The following ZNF536 variants were observed in gnomAD, a reference collection of about 807,000 sequenced individuals.
The protein encoded by ZNF536 is zinc finger protein 536.
Under a neutral mutation model 84.5 loss-of-function variants are expected in ZNF536, and 13 were observed. The ratio of observed to expected loss-of-function variants is 0.15; its 90% CI spans 0.10 to 0.24. The LOEUF (loss-of-function observed/expected upper bound fraction) is 0.24, where lower values mean the gene tolerates loss of function less well. ZNF536 is among the 10% of genes least tolerant of loss of function. The pLI, the probability that ZNF536 is intolerant of heterozygous loss-of-function variation, is 1.00. For missense variants in ZNF536, 1,536 were observed against 1,747.5 expected, an observed-to-expected ratio of 0.88 and a Z score of 2.16; for synonymous variants, 811 against 742.5, an observed-to-expected ratio of 1.09 and a Z score of -1.50.
intron 2 of ZNF536, among the ~76,000 whole-genome samples, chr19:30,520,750 A>G (rs1338633760): frequency 1.3e-5 from 2 of 151,790 alleles, no homozygotes; most frequent in Admixed American, 6.6e-5. Flanking sequence ...ATGCTGGTTT[A>G]CCTTTTTCAT....
intron 2 of ZNF536, among the ~76,000 whole-genome samples, chr19:30,288,237 G>A (rs919706490): frequency 6.6e-6 from 1 of 152,194 alleles, no homozygotes; most frequent in African/African-American, 2.4e-5. Flanking sequence ...TCCTGCCCAC[G>A]TGACTGGATG....
chr19:30,634,628 T>A (rs566761363), intron 1 of ZNF536, among the ~76,000 whole-genome samples: 140 of 152,244 alleles, frequency 9.2e-4, no homozygotes, highest in African/African-American at 3.3e-3. Flanking sequence ...TGATTTCCTG[T>A]TGGTTTGTGT....
At chr19:30,512,021 GTGCAAACTTTTGTC>G (rs1394699340) in intron 2 of ZNF536, among the ~76,000 whole-genome samples, 1 of 152,126 alleles carries the variant, frequency 6.6e-6, no homozygotes, top group Admixed American at 6.5e-5. Flanking sequence ...TATCATCTAC[GTGCAAACTTTTGTC>G]TGCAAAGCAT....
At chr19:30,337,334 C>T (rs1322731864) in intron 2 of ZNF536, among the ~76,000 whole-genome samples, 1 of 152,206 alleles carries the variant, frequency 6.6e-6, no homozygotes, top group East Asian at 1.9e-4. Context: ...TTTGTAGTAG[C>T]TCCCACCACC....
intron 1 of ZNF536, among the ~76,000 whole-genome samples, chr19:30,381,194 T>C (rs945352253): frequency 6.6e-6 from 1 of 152,162 alleles, no homozygotes; most frequent in African/African-American, 2.4e-5. Context: ...ATATATCTAA[T>C]AATCAGCACA....
intron 1 of ZNF536, among the ~76,000 whole-genome samples, chr19:30,668,853 C>A (rs1223993163): frequency 2.0e-5 from 3 of 152,196 alleles, no homozygotes; most frequent in African/African-American, 4.8e-5. Context: ...CACCTGTGTG[C>A]CCAAGCCTGG....
chr19:30,508,237 A>C (rs2055253800), intron 2 of ZNF536, among the ~76,000 whole-genome samples: 1 of 152,134 alleles, frequency 6.6e-6, no homozygotes, highest in Admixed American at 6.5e-5. Flanking sequence ...GGCTTATGGG[A>C]AAAAGGGCTA....
intron 2 of ZNF536, among the ~76,000 whole-genome samples, chr19:30,520,470 C>A (rs1311239326): frequency 6.6e-6 from 1 of 152,178 alleles, no homozygotes; most frequent in Non-Finnish European, 1.5e-5. Context: ...CCAGTGCCCA[C>A]ATCCCCCCAG....
chr19:30,694,058 T>C (rs2051547268), intron 1 of ZNF536, among the ~76,000 whole-genome samples: 1 of 152,206 alleles, frequency 6.6e-6, no homozygotes, highest in South Asian at 2.1e-4. Flanking sequence ...TATCCACAGA[T>C]AACCTTGGAT....
chr19:30,671,991 C>T lies in ZNF536; in HGVS notation c.170-38766C>T, dbSNP rs140962481. 1.4e-3 allele frequency among the ~76,000 whole-genome samples: 219 copies of T among 152,300 alleles called. 1 individual carries two copies. The highest frequency in any genetic ancestry group is 4.6e-3 in the African/African-American group (193 of 41,544). ...GTAGGACTTTACGGAGCGTGGTCACCGCCCTGGGACCCGGCCCACTCAGCC... is the reference window on the plus strand; with the variant it reads ...GTAGGACTTTACGGAGCGTGGTCACTGCCCTGGGACCCGGCCCACTCAGCC... On this transcript the variant is annotated intron_variant, in intron 1 of 1. Transcript: ENST00000592773.
At chr19:30,632,725 A>C (rs1162667941) in intron 1 of ZNF536, among the ~76,000 whole-genome samples, 1 of 152,006 alleles carries the variant, frequency 6.6e-6, no homozygotes, top group African/African-American at 2.4e-5. Flanking sequence ...CTCTGTCTCT[A>C]CCTCTCCCAG....
At chr19:30,240,398 G>A (rs2023857806) in intron 1 of ZNF536, among the ~76,000 whole-genome samples, 1 of 151,900 alleles carries the variant, frequency 6.6e-6, no homozygotes, top group South Asian at 2.1e-4. Context: ...CCAAGGAACT[G>A]GCTTTGCTGG....
intron 1 of ZNF536, chr19:30,436,560 TA>T: frequency 1.0e-6 from 1 of 964,556 alleles, no homozygotes; most frequent in Non-Finnish European, 1.2e-6. Context: ...TAATAATGTT[TA>T]CAGCTGTTTA....
chr19:30,587,164 T>C (rs2047122126), intron 1 of ZNF536, among the ~76,000 whole-genome samples: 1 of 152,234 alleles, frequency 6.6e-6, no homozygotes, highest in Admixed American at 6.5e-5. Context: ...CTGAGAGACA[T>C]AGCAGAAATC....
chr19:30,515,536 A>G (rs2055602063), intron 2 of ZNF536, among the ~76,000 whole-genome samples: 1 of 152,186 alleles, frequency 6.6e-6, no homozygotes, highest in Non-Finnish European at 1.5e-5. Flanking sequence ...AGGACAGAGT[A>G]GGATCTCAGA....
intron 2 of ZNF536, among the ~76,000 whole-genome samples, chr19:30,340,564 G>GT (rs1407775760): frequency 6.6e-6 from 1 of 152,176 alleles, no homozygotes; most frequent in Non-Finnish European, 1.5e-5. Context: ...CCTTGGAGGG[G>GT]TCTTTTCATC....
At position 30,612,577 on chromosome 19, in the gene ZNF536, C is replaced by T. The variant is rs373387852; in HGVS notation, c.169+63063C>T. On this transcript the variant is annotated intron_variant, in intron 1 of 1. Transcript: ENST00000592773. ...GGGATTTTCCATTTTGATGTAATGA[C>T]TTGTAGATCTGTTAACTACCTTGTA... 2.1e-3 allele frequency among the ~76,000 whole-genome samples: 323 copies of T among 152,322 alleles called. 1 individual carries two copies. In the Middle Eastern group the frequency reaches 0.037, roughly 18 times the overall value.
chr19:30,314,861 G>C (rs868821586), intron 2 of ZNF536, among the ~76,000 whole-genome samples: 1 of 152,154 alleles, frequency 6.6e-6, no homozygotes, highest in Admixed American at 6.5e-5. Flanking sequence ...TGTCTACACA[G>C]GTGGTTCCTG....
rs374447813 is a variant in ZNF536, at chr19:30,233,347, T to C, written c.-190+4674T>C. Among the ~76,000 whole-genome samples the C allele has an allele frequency of 3.2e-4, 49 of 151,978 alleles. 1 individual carries two copies. The South Asian group carries it at 9.1e-3, about 28-fold the overall frequency. On this transcript the variant is annotated intron_variant, in intron 1 of 5. Transcript: ENST00000585628. ...TGGCAGGATAATGATACCTTTTTTT[T>C]TTTTTTTAACTTTAAGAGATGGAGC...
Sources: gnomAD v4.1 joint callset for allele counts (sites outside exome capture counted in the v4.1 genomes callset) on GRCh38, gnomAD v4.1.1 for gene constraint, MANE v1.5 for transcripts, NCBI Gene and HGNC (gene_info 2026-07-23, HGNC 2026-07-21) for gene names.